The following ZKSCAN1 variants were observed in gnomAD, a reference collection of about 807,000 sequenced individuals.
ZKSCAN1 encodes zinc finger protein with KRAB and SCAN domains 1.
ZKSCAN1 carries 14 observed loss-of-function variants against 51.6 expected under a neutral mutation model. The observed-to-expected ratio is 0.27, with a 90% CI of 0.18 to 0.42. The LOEUF (loss-of-function observed/expected upper bound fraction) is 0.42. Ranked by LOEUF, ZKSCAN1 falls within the 10% of genes least tolerant of loss-of-function variation. The probability of loss-of-function intolerance (pLI) is 1.00; values close to 1 mark genes in which losing one functional copy is unlikely to be tolerated. For synonymous variants in ZKSCAN1, 263 were observed against 261.5 expected, an observed-to-expected ratio of 1.01 and a Z score of -0.06; for missense variants, 531 against 710.0, an observed-to-expected ratio of 0.75 and a Z score of 2.86.
intron 1 of ZKSCAN1, among the ~76,000 whole-genome samples, 152 bp downstream of exon 1, chr7:100,015,878 C>T (rs566631614): frequency 5.9e-5 from 9 of 152,268 alleles, no homozygotes; most frequent in East Asian, 1.9e-4. Context: ...TGGCCGGGCC[C>T]GGCCGTAGAA....
chr7:100,037,652 A>G lies in ZKSCAN1; in HGVS notation c.*3455A>G. 1.0e-6 allele frequency: 1 copy of G among 985,492 alleles called. No homozygotes were observed. Among genetic ancestry groups the G allele is most frequent in the South Asian group, 4.7e-5 (1 of 21,290 alleles). The allele number at this position is 985,492 out of a possible 1,614,324, so 61.0% of individuals were successfully genotyped here. A position where few individuals can be genotyped will look rare whatever the true frequency, so the allele number is the denominator to read the frequency against. ...AGGAAAACTTTCATGTATAGCACTC[A>G]TTGCTTCAGACAGAAAATGAATTCC... is the stretch of plus-strand genomic sequence containing the variant. On this transcript the variant is annotated 3_prime_UTR_variant, in exon 6 of 6. Coordinates refer to ENST00000324306, the MANE Select transcript of ZKSCAN1 (RefSeq NM_003439.4).
rs558213789 is a variant in ZKSCAN1, at chr7:100,039,895, C to T, written c.*5698C>T. Reference sequence around the variant, plus strand: ...AGTCAGTGATATAAATAGATCATTTCATAGAAATTAGGGTAGATTTTTATT... The same window carrying T: ...AGTCAGTGATATAAATAGATCATTTTATAGAAATTAGGGTAGATTTTTATT... On this transcript the variant is annotated 3_prime_UTR_variant, in exon 6 of 6. Coordinates refer to ENST00000324306, the MANE Select transcript of ZKSCAN1 (RefSeq NM_003439.4). The T allele has an allele frequency of 6.1e-6, 6 of 982,704 alleles. No homozygotes were observed. In the South Asian group the frequency reaches 1.4e-4, roughly 23 times the overall value. The allele number at this position is 982,704 out of a possible 1,614,324, so 60.9% of individuals were successfully genotyped here.
intron 1 of ZKSCAN1, among the ~76,000 whole-genome samples, chr7:100,018,197 C>T (rs1790448565): frequency 6.6e-6 from 1 of 152,094 alleles, no homozygotes; most frequent in East Asian, 1.9e-4. Flanking sequence ...CCAACTAGTC[C>T]ATGGAACAAA....
rs1313759958 is a variant in ZKSCAN1 at position 100,038,792 on chromosome 7, G to A, written c.*4595G>A. On this transcript the variant is annotated 3_prime_UTR_variant, in exon 6 of 6. Transcript: ENST00000324306. ...GGGTGGATCACAAGGTCAGGAGATC[G>A]AGACCATCCTGGCTAACATGGCGAA... is the stretch of plus-strand genomic sequence containing the variant. 6.6e-6 allele frequency: 6 copies of A among 910,892 alleles called. No individual in the cohort carries two copies. Among genetic ancestry groups the A allele is most frequent in the Admixed American group, 6.2e-5 (1 of 16,148 alleles). 56.4% of individuals were successfully genotyped at this position (910,892 alleles called of 1,614,324 possible). A position where few individuals can be genotyped will look rare whatever the true frequency, so the allele number is the denominator to read the frequency against.
downstream of ZKSCAN1, chr7:100,044,715 A>T (rs1791681130): frequency 2.4e-6 from 2 of 819,830 alleles, no homozygotes; most frequent in Non-Finnish European, 2.9e-6. Context: ...AGTAGCACTG[A>T]ATAATTTTTT....
chr7:100,042,797 GTTTT>G (rs1200823549), downstream of ZKSCAN1, among the ~76,000 whole-genome samples: 2 of 125,186 alleles, frequency 1.6e-5, no homozygotes, highest in African/African-American at 2.9e-5. Context: ...TAATTTTTGG[GTTTT>G]TTTTTTTTTT....
chr7:100,041,060 A>G lies in ZKSCAN1; in HGVS notation c.*6863A>G. On this transcript the variant is annotated 3_prime_UTR_variant, in exon 6 of 6. Coordinates refer to ENST00000324306, the MANE Select transcript of ZKSCAN1 (RefSeq NM_003439.4). ...TTTATTAACTTTTAGTTAAATACAGATTTTACAACGAGGTCAGCATAAGCC... is the reference window on the plus strand; with the variant it reads ...TTTATTAACTTTTAGTTAAATACAGGTTTTACAACGAGGTCAGCATAAGCC... The G allele has an allele frequency of 1.0e-6, 1 of 973,642 alleles. No homozygotes were observed. Among genetic ancestry groups the G allele is most frequent in the East Asian group, 1.1e-4 (1 of 8,774 alleles). The allele number at this position is 973,642 out of a possible 1,614,324, so 60.3% of individuals were successfully genotyped here.
At chr7:100,015,967 G>C (rs1320320844) in intron 1 of ZKSCAN1, among the ~76,000 whole-genome samples, 1 of 152,236 alleles carries the variant, frequency 6.6e-6, no homozygotes, top group South Asian at 2.1e-4. Context: ...CAGTGGCTGA[G>C]GGTGCCCGGA....
In ZKSCAN1 at chr7:100,036,952, G is replaced by A. The variant is rs1791389973; in HGVS notation, c.*2755G>A. On this transcript the variant is annotated 3_prime_UTR_variant, in exon 6 of 6. Coordinates refer to ENST00000324306, the MANE Select transcript of ZKSCAN1 (RefSeq NM_003439.4). ...GCCCTCACATTTAATTCCGTTTCATGGAGACATCTTCCTGACTTTGTTGGA... is the reference window on the plus strand; with the variant it reads ...GCCCTCACATTTAATTCCGTTTCATAGAGACATCTTCCTGACTTTGTTGGA... 1.0e-6 allele frequency: 1 copy of A among 984,958 alleles called. No homozygotes were observed. The highest frequency in any genetic ancestry group is 1.8e-5 in the African/African-American group (1 of 57,098). 61.0% of individuals were successfully genotyped at this position (984,958 alleles called of 1,614,324 possible). A position where few individuals can be genotyped will look rare whatever the true frequency, so the allele number is the denominator to read the frequency against.
chr7:100,042,344 A>G (rs1265446451), downstream of ZKSCAN1, among the ~76,000 whole-genome samples: 2 of 149,864 alleles, frequency 1.3e-5, no homozygotes, highest in Non-Finnish European at 3.0e-5. Context: ...AAAAAGGTGA[A>G]CTGGGAGGAT....
At chr7:100,028,134 C>T (rs1441664133) in intron 3 of ZKSCAN1, among the ~76,000 whole-genome samples, 1 of 152,084 alleles carries the variant, frequency 6.6e-6, no homozygotes, top group East Asian at 1.9e-4. Context: ...GTGGCCAGAT[C>T]ATAAGGTCAA....
Position 100,039,549 on chromosome 7 carries a change from T to G in ZKSCAN1, c.*5352T>G, listed in dbSNP as rs1205708741. Reference sequence around the variant, plus strand: ...GAGAGGTTTTGCAAAGACTCGTTGCTGTGAAAGAATCTTTTTTTAATTTTT... The same window carrying G: ...GAGAGGTTTTGCAAAGACTCGTTGCGGTGAAAGAATCTTTTTTTAATTTTT... On this transcript the variant is annotated 3_prime_UTR_variant, in exon 6 of 6. Transcript: ENST00000324306. The G allele has an allele frequency of 4.1e-6, 4 of 985,314 alleles. 1 individual carries two copies. The African/African-American group carries it at 7.0e-5, about 17-fold the overall frequency. 61.0% of individuals were successfully genotyped at this position (985,314 alleles called of 1,614,324 possible).
rs1791297241 is a variant in ZKSCAN1, at chr7:100,035,112, A to G, written c.*915A>G. On this transcript the variant is annotated 3_prime_UTR_variant, in exon 6 of 6. Coordinates refer to ENST00000324306, the MANE Select transcript of ZKSCAN1 (RefSeq NM_003439.4). Reference sequence around the variant, plus strand: ...TGCCAGCACAGTGCTGGACATAGTGAGTACTGAACACCTAAGAGGCACTCA... The same window carrying G: ...TGCCAGCACAGTGCTGGACATAGTGGGTACTGAACACCTAAGAGGCACTCA... 1 of 152,618 alleles carries G rather than the reference A, an allele frequency of 6.6e-6. No individual in the cohort carries two copies. Among genetic ancestry groups the G allele is most frequent in the African/African-American group, 2.4e-5 (1 of 41,430 alleles). The allele number at this position is 152,618 out of a possible 1,614,324, so 9.5% of individuals were successfully genotyped here.
chr7:100,015,634 T>A lies in ZKSCAN1; in HGVS notation c.-181T>A, dbSNP rs1256269282. 1 of 152,232 alleles carries A rather than the reference T, an allele frequency of 6.6e-6. No individual in the cohort carries two copies. Among genetic ancestry groups the A allele is most frequent in the East Asian group, 1.9e-4 (1 of 5,186 alleles). The allele number at this position is 152,232 out of a possible 1,614,324, so 9.4% of individuals were successfully genotyped here. ...TCTGTGTCGAGGCGTCGGGAGGGCCTAAGTCCGTGTGCGGTGCCCTTCGGC... is the reference window on the plus strand; with the variant it reads ...TCTGTGTCGAGGCGTCGGGAGGGCCAAAGTCCGTGTGCGGTGCCCTTCGGC... On this transcript the variant is annotated 5_prime_UTR_variant, in exon 1 of 6. Coordinates refer to ENST00000324306, the MANE Select transcript of ZKSCAN1 (RefSeq NM_003439.4).
chr7:100,043,771 ATTTTTTTTTTTTTTT>A (rs772298225), downstream of ZKSCAN1, among the ~76,000 whole-genome samples: 4 of 58,922 alleles, frequency 6.8e-5, no homozygotes, highest in Admixed American at 2.9e-4. Flanking sequence ...TTCTTTCTTG[ATTTTTTTTTTTTTTT>A]TTTTTTTTTT....
downstream of ZKSCAN1, chr7:100,045,095 T>C (rs577552004): frequency 1.7e-6 from 1 of 573,360 alleles, no homozygotes; most frequent in African/African-American, 2.0e-5. Context: ...CAAAGGGCAC[T>C]GGAATTATTT....
chr7:100,038,344 G>A lies in ZKSCAN1; in HGVS notation c.*4147G>A, dbSNP rs72615157. The A allele has an allele frequency of 0.17, 164,658 of 985,288 alleles. 15,140 individuals are homozygous for A. Among genetic ancestry groups the A allele is most frequent in the East Asian group, 0.38 (3,321 of 8,808 alleles). The allele number at this position is 985,288 out of a possible 1,614,324, so 61.0% of individuals were successfully genotyped here. A position where few individuals can be genotyped will look rare whatever the true frequency, so the allele number is the denominator to read the frequency against. ...TCAGTGTGATTGTAGACAAAAAGTC[G>A]GTTCACAGAACGGAGCAGCGGGGAG... On this transcript the variant is annotated 3_prime_UTR_variant, in exon 6 of 6. Coordinates refer to ENST00000324306, the MANE Select transcript of ZKSCAN1 (RefSeq NM_003439.4).
chr7:100,019,012 T>C (rs771971721), intron 1 of ZKSCAN1, among the ~76,000 whole-genome samples: 13 of 152,162 alleles, frequency 8.5e-5, no homozygotes, highest in Non-Finnish European at 1.5e-4. Context: ...TTCACAAAAG[T>C]AGGGATTTCT....
At position 100,033,044 on chromosome 7, in the gene ZKSCAN1, C is replaced by T. The variant is rs1791180804; in HGVS notation, c.800-261C>T. Among the ~76,000 whole-genome samples, 1 of 151,022 alleles carries T rather than the reference C, an allele frequency of 6.6e-6. No individual in the cohort carries two copies. The highest frequency in any genetic ancestry group is 1.5e-5 in the Non-Finnish European group (1 of 67,864). On this transcript the variant is annotated intron_variant, in intron 5 of 5. Transcript: ENST00000324306. The surrounding 1 kb of genome is among the most constrained non-coding windows in gnomAD (Gnocchi z 4.1). ...AAAGTTACCCGGGCGTGGTAGCATG[C>T]ACCTATAGTCCCAGCTACTTGGGAG...
Sources: gnomAD v4.1 joint callset for allele counts (sites outside exome capture counted in the v4.1 genomes callset) on GRCh38, gnomAD v4.1.1 for gene constraint, Gnocchi (gnomAD v3.1) non-coding constraint, MANE v1.5 for transcripts, NCBI Gene and HGNC (gene_info 2026-07-23, HGNC 2026-07-21) for gene names.